NCOA1: variants seen among roughly 807,000 people sequenced by gnomAD.
NCOA1 encodes nuclear receptor coactivator 1.
Under a neutral mutation model 150.9 loss-of-function variants are expected in NCOA1, and 35 were observed. The observed-to-expected ratio is 0.23, with a 90% CI of 0.18 to 0.31. The LOEUF (loss-of-function observed/expected upper bound fraction) is 0.31. Among genes scored for constraint, NCOA1 ranks in the 10% least tolerant of loss-of-function variants. NCOA1 has a pLI of 1.00. For synonymous variants in NCOA1, 590 were observed against 630.0 expected (o/e 0.94, Z 0.95); for missense variants, 1,491 against 1,749.3 (o/e 0.85, Z 2.63).
intron 3 of NCOA1, among the ~76,000 whole-genome samples, chr2:24,591,120 T>C (rs1286136052): frequency 6.6e-6 from 1 of 152,168 alleles, no homozygotes; most frequent in Admixed American, 6.5e-5. Flanking sequence ...AAAATAGTAA[T>C]GTAATTGGAA....
chr2:24,651,803 A>C (rs1293272459), intron 4 of NCOA1, among the ~76,000 whole-genome samples: 1 of 152,114 alleles, frequency 6.6e-6, no homozygotes, highest in Non-Finnish European at 1.5e-5. Flanking sequence ...ATTAGTGATT[A>C]GGGAAATAGA....
chr2:24,507,228 G>C (rs1663737633), intron 1 of NCOA1, among the ~76,000 whole-genome samples: 1 of 152,190 alleles, frequency 6.6e-6, no homozygotes. Context: ...TCTGGAGCCA[G>C]ATTTCCTAAG....
intron 1 of NCOA1, among the ~76,000 whole-genome samples, chr2:24,552,327 A>AT (rs1665865222): frequency 1.1e-4 from 1 of 9,438 alleles, no homozygotes; most frequent in Non-Finnish European, 2.1e-4. Context: ...TATATTATAT[A>AT]TATATATATA....
At chr2:24,646,851 T>TAC (rs201747521) in intron 4 of NCOA1, among the ~76,000 whole-genome samples, 4 of 151,212 alleles carry the variant, frequency 2.6e-5, no homozygotes, top group East Asian at 3.9e-4. Flanking sequence ...TATACACACA[T>TAC]ACACACACAC....
chr2:24,682,588 T>C (rs1672227061), intron 7 of NCOA1, among the ~76,000 whole-genome samples: 1 of 152,140 alleles, frequency 6.6e-6, no homozygotes, highest in Admixed American at 6.5e-5. Flanking sequence ...TGCCTGTTCG[T>C]TTTCTTTTTG....
intron 4 of NCOA1, among the ~76,000 whole-genome samples, chr2:24,644,634 A>G (rs1670379481): frequency 6.6e-6 from 1 of 152,142 alleles, no homozygotes; most frequent in South Asian, 2.1e-4. Context: ...TAGAACCAGT[A>G]TATCCGTGAA....
At chr2:24,726,152 C>T (rs1462946721) in intron 14 of NCOA1, among the ~76,000 whole-genome samples, 5 of 152,106 alleles carry the variant, frequency 3.3e-5, no homozygotes. Context: ...TGCATGGCCT[C>T]AGATTCTAGT....
intron 2 of NCOA1, among the ~76,000 whole-genome samples, chr2:24,565,146 G>C (rs1213951757): frequency 1.3e-5 from 2 of 151,958 alleles, no homozygotes; most frequent in Non-Finnish European, 2.9e-5. Flanking sequence ...CAAAACATGG[G>C]GTGGATCCCC....
chr2:24,497,526 G>A (rs966032375), intron 1 of NCOA1, among the ~76,000 whole-genome samples: 8 of 152,160 alleles, frequency 5.3e-5, no homozygotes, highest in Non-Finnish European at 7.3e-5. Flanking sequence ...ACAAAAAATA[G>A]CCGGGTGTGG....
intron 16 of NCOA1, among the ~76,000 whole-genome samples, chr2:24,728,774 G>A (rs774957051): frequency 1.3e-5 from 2 of 152,118 alleles, no homozygotes; most frequent in African/African-American, 2.4e-5. Context: ...CTTCATTCAC[G>A]CTTGTCTTCT....
chr2:24,766,921 G>A lies in NCOA1; in HGVS notation c.4156-1300G>A, dbSNP rs55661372. On this transcript the variant is annotated intron_variant, in intron 22 of 22. Coordinates refer to ENST00000348332, the MANE Select transcript of NCOA1 (RefSeq NM_003743.5). ...AAATGGGAGCATATAGGAGCTAGAAGCCACATTTGGGAAACTAGGGAAAGG... is the reference window on the plus strand; with the variant it reads ...AAATGGGAGCATATAGGAGCTAGAAACCACATTTGGGAAACTAGGGAAAGG... 1.1e-3 allele frequency among the ~76,000 whole-genome samples: 162 copies of A among 152,242 alleles called. 1 individual carries two copies. The highest frequency in any genetic ancestry group is 3.7e-3 in the African/African-American group (153 of 41,552).
intron 19 of NCOA1, among the ~76,000 whole-genome samples, chr2:24,746,324 C>G (rs2148669659): frequency 6.6e-6 from 1 of 152,240 alleles, no homozygotes; most frequent in East Asian, 1.9e-4. Context: ...AGGTGGATTA[C>G]CTGAGGTCAG....
intron 6 of NCOA1, among the ~76,000 whole-genome samples, chr2:24,672,644 A>G (rs939260239): frequency 3.3e-5 from 5 of 152,016 alleles, no homozygotes; most frequent in African/African-American, 1.2e-4. Context: ...CAGTCCTCCC[A>G]CCTCTGCCTC....
chr2:24,660,996 G>T (rs1671160740), intron 5 of NCOA1, among the ~76,000 whole-genome samples: 1 of 152,174 alleles, frequency 6.6e-6, no homozygotes, highest in African/African-American at 2.4e-5. Flanking sequence ...GGGAGGTGGA[G>T]GTTGCAGTGA....
rs374912447 is a variant in NCOA1 at position 24,762,705 on chromosome 2, A to C, written c.4084A>C (p.Arg1362=). 1.7e-4 allele frequency: 271 copies of C among 1,613,924 alleles called. No individual in the cohort carries two copies. Among genetic ancestry groups the C allele is most frequent in the Non-Finnish European group, 2.2e-4 (259 of 1,179,886 alleles). ...TTAATAGATAAATGATCCCGCACTG[A>C]GACACACAGGCCTCTACTGCAACCA... ...CPEQINDPAL[R]HTGLYCNQLS... Residue 1362 remains arginine (R), a synonymous_variant, in exon 22 of 23, where the codon AGA becomes CGA. Transcript: ENST00000348332.
chr2:24,726,751 T>C, intron 15 of NCOA1, 45 bp downstream of exon 15: 3 of 1,215,498 alleles, frequency 2.5e-6, no homozygotes, highest in Non-Finnish European at 2.3e-6. Flanking sequence ...GATACCAACT[T>C]CTAAACAGAG....
intron 3 of NCOA1, among the ~76,000 whole-genome samples, chr2:24,592,907 C>T (rs1207642827): frequency 1.3e-5 from 2 of 152,066 alleles, no homozygotes; most frequent in Non-Finnish European, 1.5e-5. Context: ...TGTCCTTCAC[C>T]TGAACCTACC....
At chr2:24,627,375 A>G (rs1334852806) in intron 3 of NCOA1, among the ~76,000 whole-genome samples, 1 of 152,160 alleles carries the variant, frequency 6.6e-6, no homozygotes, top group East Asian at 1.9e-4. Context: ...ATAAAAATAA[A>G]TCTAAATACT....
chr2:24,676,757 A>T (rs557372428), intron 7 of NCOA1, among the ~76,000 whole-genome samples: 1 of 152,372 alleles, frequency 6.6e-6, no homozygotes, highest in African/African-American at 2.4e-5. Context: ...GAGATTAAAG[A>T]TAAAACAGGT....
Sources: gnomAD v4.1 joint callset for allele counts (sites outside exome capture counted in the v4.1 genomes callset) on GRCh38, gnomAD v4.1.1 for gene constraint, MANE v1.5 for transcripts, NCBI Gene and HGNC (gene_info 2026-07-23, HGNC 2026-07-21) for gene names.